Variants in LNX1 observed in about 807,000 individuals in gnomAD.
LNX1 encodes the protein ligand of numb-protein X 1, also known as E3 ubiquitin-protein ligase LNX.
In LNX1, 54 loss-of-function variants were observed where a neutral mutation model predicts 68.4. That is an observed-to-expected ratio of 0.79 (90% CI 0.63 to 0.99). The LOEUF (loss-of-function observed/expected upper bound fraction) is 0.99, where lower values mean the gene tolerates loss of function less well. Ranked by LOEUF, LNX1 falls within the 50% of genes least tolerant of loss-of-function variation. The pLI is 0.00. For missense variants in LNX1, 906 were observed against 926.4 expected (o/e 0.98, Z 0.29); for synonymous variants, 336 against 350.0 (o/e 0.96, Z 0.45).
chr4:53,608,122 C>G (rs1470126739), intron 2 of LNX1, among the ~76,000 whole-genome samples: 1 of 151,700 alleles, frequency 6.6e-6, no homozygotes, highest in Non-Finnish European at 1.5e-5. Context: ...CACATGGGAC[C>G]TAGTTAAACT....
chr4:53,544,741 G>A (rs939722653), intron 2 of LNX1, among the ~76,000 whole-genome samples: 2 of 152,222 alleles, frequency 1.3e-5, no homozygotes, highest in African/African-American at 4.8e-5. Flanking sequence ...AGCTGACACT[G>A]ATCAATAATG....
chr4:53,576,161 C>T (rs1035733403), intron 1 of LNX1: 1 of 1,570,902 alleles, frequency 6.4e-7, no homozygotes, highest in African/African-American at 1.4e-5. Context: ...GCCTGGCTGC[C>T]CCATGTTGCT....
intron 2 of LNX1, among the ~76,000 whole-genome samples, chr4:53,518,958 G>A (rs534045544): frequency 6.6e-6 from 1 of 152,200 alleles, no homozygotes; most frequent in African/African-American, 2.4e-5. Flanking sequence ...AACGGGGTTG[G>A]CATCTTCAGC....
chr4:53,575,449 A>G (rs1731423032), intron 1 of LNX1: 1 of 944,436 alleles, frequency 1.1e-6, no homozygotes, highest in Non-Finnish European at 1.3e-6. Context: ...GAGCTAGGTC[A>G]TGAGTTTGAT....
intron 2 of LNX1, among the ~76,000 whole-genome samples, chr4:53,520,627 G>A (rs1433033379): frequency 6.6e-6 from 1 of 152,106 alleles, no homozygotes; most frequent in Non-Finnish European, 1.5e-5. Context: ...GGTTCTTTTT[G>A]GTTAACTTTT....
intron 2 of LNX1, among the ~76,000 whole-genome samples, chr4:53,564,897 G>A (rs1227376683): frequency 1.3e-5 from 2 of 152,144 alleles, no homozygotes; most frequent in Non-Finnish European, 2.9e-5. Context: ...AGACAGCACC[G>A]GGAAAATCAG....
At chr4:53,525,127 C>T (rs1253306424) in intron 2 of LNX1, among the ~76,000 whole-genome samples, 1 of 152,138 alleles carries the variant, frequency 6.6e-6, no homozygotes, top group African/African-American at 2.4e-5. Context: ...TCATTTACAA[C>T]TCCCCAAACT....
At chr4:53,575,818 A>G in intron 1 of LNX1, 2 of 1,586,252 alleles carry the variant, frequency 1.3e-6, no homozygotes, top group Admixed American at 3.5e-5. Flanking sequence ...GGTGGCAGCA[A>G]TGGACCAGCT....
intron 1 of LNX1, among the ~76,000 whole-genome samples, chr4:53,588,646 T>C (rs76364435): frequency 0.15 from 22,551 of 152,144 alleles, 1,763 homozygotes; most frequent in African/African-American, 0.18. Context: ...GTTGTAAGGA[T>C]GGAGGGGGCC....
chr4:53,510,926 GGTTACA>G (rs1479593792), intron 2 of LNX1, among the ~76,000 whole-genome samples: 2 of 152,186 alleles, frequency 1.3e-5, no homozygotes, highest in Non-Finnish European at 2.9e-5. Flanking sequence ...CATCAATGGG[GGTTACA>G]GTATTTTAAA....
intron 2 of LNX1, among the ~76,000 whole-genome samples, chr4:53,561,850 G>C (rs999168608): frequency 6.6e-6 from 1 of 152,082 alleles, no homozygotes; most frequent in African/African-American, 2.4e-5. Flanking sequence ...GAAAATAAGA[G>C]AGTAGGTGCA....
chr4:53,485,131 T>A (rs1724198985), intron 6 of LNX1, among the ~76,000 whole-genome samples: 1 of 152,240 alleles, frequency 6.6e-6, no homozygotes, highest in Admixed American at 6.5e-5. Flanking sequence ...TTCTTTGTAC[T>A]ATAAGCCTCC....
intron 2 of LNX1, among the ~76,000 whole-genome samples, chr4:53,601,525 G>A (rs868768950): frequency 1.3e-5 from 2 of 152,198 alleles, no homozygotes; most frequent in Non-Finnish European, 2.9e-5. Context: ...CACTGTTCGC[G>A]TTCTGGCCAC....
chr4:53,523,148 G>C lies in LNX1; in HGVS notation c.381-14921C>G, dbSNP rs1727357626. ...GATCTCCAACTAGATTGAAGAACAG[G>C]ACCCTCCAGAGAGCTTCCAAGAAGA... On this transcript the variant is annotated intron_variant, in intron 2 of 10. Transcript: ENST00000263925. 5.9e-5 allele frequency: 9 copies of C among 152,290 alleles called. No individual in the cohort carries two copies. In the South Asian group the frequency reaches 1.9e-3, roughly 32 times the overall value. The allele number at this position is 152,290 out of a possible 1,614,324, so 9.4% of individuals were successfully genotyped here.
intron 2 of LNX1, among the ~76,000 whole-genome samples, chr4:53,554,849 C>A: frequency 1.7e-5 from 2 of 119,162 alleles, no homozygotes; most frequent in Non-Finnish European, 1.7e-5. Context: ...GAGACTCTGT[C>A]TCAAAAAAAA....
At chr4:53,484,926 A>T (rs1278169612) in intron 6 of LNX1, among the ~76,000 whole-genome samples, 1 of 152,216 alleles carries the variant, frequency 6.6e-6, no homozygotes, top group Non-Finnish European at 1.5e-5. Flanking sequence ...ATCTCCCCAG[A>T]CAAGGCTAAT....
intron 2 of LNX1, among the ~76,000 whole-genome samples, chr4:53,552,073 T>C (rs1729552356): frequency 6.6e-6 from 1 of 152,336 alleles, no homozygotes; most frequent in South Asian, 2.1e-4. Context: ...ATATTGTTCC[T>C]AGTGATTCCA....
chr4:53,590,078 C>G (rs1014175738), intron 1 of LNX1, among the ~76,000 whole-genome samples: 28 of 152,208 alleles, frequency 1.8e-4, no homozygotes, highest in Non-Finnish European at 4.1e-4. Flanking sequence ...TGGCCAAACC[C>G]CCCCCCTTAA....
rs866500759 is a variant in LNX1, at chr4:53,498,710, G to C, written c.909C>G (p.Ile303Met). 2 of 1,614,078 alleles carry C rather than the reference G, an allele frequency of 1.2e-6. No individual in the cohort carries two copies. The highest frequency in any genetic ancestry group is 2.2e-5 in the South Asian group (2 of 91,076). Residue 303 changes from isoleucine (I) to methionine (M), a missense_variant, in exon 5 of 11, where the codon ATC (isoleucine) becomes ATG (methionine). Transcript: ENST00000263925. ...GSETPLVHII[I>M]QHIYRDGVIA... is the part of the protein sequence containing the mutation. ...TCACCCCATCACGATAAATGTGTTG[G>C]ATAATGATATGGACCAGTGGGGTTT...
Sources: gnomAD v4.1 joint callset for allele counts (sites outside exome capture counted in the v4.1 genomes callset) on GRCh38, gnomAD v4.1.1 for gene constraint, MANE v1.5 for transcripts, NCBI Gene and HGNC (gene_info 2026-07-23, HGNC 2026-07-21) for gene names.